Variants in ITGA4 observed in about 807,000 individuals in gnomAD.
The protein encoded by ITGA4 is integrin subunit alpha 4.
In ITGA4, 63 loss-of-function variants were observed where a neutral mutation model predicts 133.6. That is an observed-to-expected ratio of 0.47 (90% CI 0.38 to 0.58). The LOEUF is 0.58. Ranked by LOEUF, ITGA4 falls within the 20% of genes least tolerant of loss-of-function variation. The pLI, the probability that ITGA4 is intolerant of heterozygous loss-of-function variation, is 0.00. For missense variants in ITGA4, 1,076 were observed against 1,252.7 expected, an observed-to-expected ratio of 0.86 and a Z score of 2.13; for synonymous variants, 483 against 438.0, an observed-to-expected ratio of 1.10 and a Z score of -1.28.
chr2:181,529,352 T>C lies in ITGA4; in HGVS notation c.2431-189T>C, dbSNP rs559063656. ...GTTAGAAACAATGACTCATTTGAAA[T>C]TATTAGCAAACTTTAAAAATTCTGA... On this transcript the variant is annotated intron_variant, in intron 22 of 27. Transcript: ENST00000397033. 3.9e-5 allele frequency among the ~76,000 whole-genome samples: 6 copies of C among 152,324 alleles called. No homozygotes were observed. The South Asian group carries it at 1.2e-3, about 32-fold the overall frequency.
chr2:181,520,583 T>C (rs543243160), intron 17 of ITGA4, among the ~76,000 whole-genome samples: 1 of 152,182 alleles, frequency 6.6e-6, no homozygotes, highest in South Asian at 2.1e-4. Flanking sequence ...TCCAAGTGAA[T>C]TTAGGTTCAA....
chr2:181,527,553 G>C, intron 22 of ITGA4, 166 bp downstream of exon 22: 1 of 538,104 alleles, frequency 1.9e-6, no homozygotes, highest in Non-Finnish European at 3.4e-6. Flanking sequence ...GACCCCTGCT[G>C]CTTTCCTTCC....
intron 17 of ITGA4, among the ~76,000 whole-genome samples, chr2:181,518,873 A>T (rs1264350541): frequency 6.6e-6 from 1 of 152,072 alleles, no homozygotes; most frequent in African/African-American, 2.4e-5. Flanking sequence ...TAGTTTGTCA[A>T]TATAACTTAG....
intron 10 of ITGA4, among the ~76,000 whole-genome samples, chr2:181,490,458 T>C (rs1443447502): frequency 6.8e-6 from 1 of 147,190 alleles, no homozygotes; most frequent in African/African-American, 2.5e-5. Context: ...TGATTTCATT[T>C]TTTTTTTTTA....
At chr2:181,513,811 A>C (rs186433052) in intron 17 of ITGA4, among the ~76,000 whole-genome samples, 265 of 152,230 alleles carry the variant, frequency 1.7e-3, no homozygotes, top group African/African-American at 5.8e-3. Flanking sequence ...TATCTTTTAA[A>C]TCTCACCTGT....
intron 10 of ITGA4, 167 bp from the exon 11 acceptor site, chr2:181,493,158 G>A (rs1026287145): frequency 3.7e-5 from 21 of 563,680 alleles, no homozygotes; most frequent in Admixed American, 6.6e-5. Flanking sequence ...GTGCAATCCT[G>A]TATATGATGA....
chr2:181,507,734 T>C (rs1469497952), intron 15 of ITGA4, among the ~76,000 whole-genome samples: 2 of 152,152 alleles, frequency 1.3e-5, no homozygotes, highest in African/African-American at 2.4e-5. Flanking sequence ...ATACTTGTTA[T>C]ACTGTATTAG....
At chr2:181,485,770 G>A in intron 9 of ITGA4, 111 bp from the exon 10 acceptor site, 1 of 835,990 alleles carries the variant, frequency 1.2e-6, no homozygotes, top group Non-Finnish European at 1.9e-6. Flanking sequence ...TCTGTAGTTT[G>A]TCCAACTTGT....
At position 181,493,292 on chromosome 2, in the gene ITGA4, A is replaced by G. The variant is rs969738859; in HGVS notation, c.1154-33A>G. On this transcript the variant is annotated intron_variant, in intron 10 of 27. Coordinates refer to ENST00000397033, the MANE Select transcript of ITGA4 (RefSeq NM_000885.6). The stretch of plus-strand genomic sequence containing the variant: ...CGAAGTTGCATTCTTTGTATCAAGA[A>G]TTTATTTTTCCATTGTTTAAATTAT... The G allele has an allele frequency of 4.8e-6, 7 of 1,460,864 alleles. No homozygotes were observed. The African/African-American group carries it at 9.8e-5, about 20-fold the overall frequency. 90.5% of individuals were successfully genotyped at this position (1,460,864 alleles called of 1,614,324 possible). A position where few individuals can be genotyped will look rare whatever the true frequency, so the allele number is the denominator to read the frequency against.
intron 10 of ITGA4, 164 bp downstream of exon 10, chr2:181,486,156 AT>A: frequency 1.3e-6 from 1 of 753,166 alleles, no homozygotes. Flanking sequence ...CTTCTCCTCA[AT>A]TGTCACCCAT....
intron 4 of ITGA4, 107 bp from the exon 5 acceptor site, chr2:181,478,650 T>C: frequency 2.1e-6 from 1 of 466,468 alleles, no homozygotes; most frequent in Non-Finnish European, 3.8e-6. Flanking sequence ...TTTTAAAAAA[T>C]ACAAACTATA....
At chr2:181,476,714 A>G (rs1288550883) in intron 4 of ITGA4, among the ~76,000 whole-genome samples, 1 of 152,180 alleles carries the variant, frequency 6.6e-6, no homozygotes, top group African/African-American at 2.4e-5. Flanking sequence ...CATGGAATCA[A>G]CCTAAATGCA....
chr2:181,535,026 T>G (rs1687029748), intron 27 of ITGA4, 91 bp downstream of exon 27: 1 of 1,369,786 alleles, frequency 7.3e-7, no homozygotes, highest in Non-Finnish European at 9.7e-7. Flanking sequence ...TTTAAATATT[T>G]CACTATTTGA....
rs1686895812 is a variant in ITGA4 at position 181,529,404 on chromosome 2, A to T, written c.2431-137A>T. 8.9e-6 allele frequency: 4 copies of T among 447,546 alleles called. No individual in the cohort carries two copies. In the South Asian group the frequency reaches 1.4e-4, roughly 16 times the overall value. 27.7% of individuals were successfully genotyped at this position (447,546 alleles called of 1,614,324 possible). On this transcript the variant is annotated intron_variant, in intron 22 of 27. Coordinates refer to ENST00000397033, the MANE Select transcript of ITGA4 (RefSeq NM_000885.6). ...TATGGATATCCTGTCTCCCTTTGTT[A>T]TGCAGCTGCCAACCATAAACCTCCA...
chr2:181,512,321 TG>T (rs1413553375), intron 17 of ITGA4, among the ~76,000 whole-genome samples: 1 of 151,986 alleles, frequency 6.6e-6, no homozygotes, highest in African/African-American at 2.4e-5. Context: ...GAACTATTTT[TG>T]GGAGATTGGG....
chr2:181,534,902 T>G lies in ITGA4; in HGVS notation c.2970T>G (p.Ile990Met). 1 of 1,592,524 alleles carries G rather than the reference T, an allele frequency of 6.3e-7. No homozygotes were observed. The highest frequency in any genetic ancestry group is 8.5e-7 in the Non-Finnish European group (1 of 1,173,072). Reference sequence around the variant, plus strand: ...CAAGTAGCTTGCTACTTGGACTTATTGTACTTCTATTGATCTCATATGTTA... The same window carrying G: ...CAAGTAGCTTGCTACTTGGACTTATGGTACTTCTATTGATCTCATATGTTA... ...IISSSLLLGL[I>M]VLLLISYVMW... Residue 990 changes from isoleucine (I) to methionine (M), a missense_variant, in exon 27 of 28, where the codon ATT (isoleucine) becomes ATG (methionine). Physicochemically the swap from Ile to Met is conservative, Grantham distance 10. Transcript: ENST00000397033.
intron 10 of ITGA4, 75 bp downstream of exon 10, chr2:181,486,067 T>C: frequency 6.7e-7 from 1 of 1,503,002 alleles, no homozygotes; most frequent in Non-Finnish European, 8.8e-7. Context: ...GATTAAAGTT[T>C]TGTATTGTTT....
Position 181,475,010 on chromosome 2 carries a change from A to G in ITGA4, c.370A>G (p.Asn124Asp). 1 of 1,614,128 alleles carries G rather than the reference A, an allele frequency of 6.2e-7. No individual in the cohort carries two copies. The highest frequency in any genetic ancestry group is 8.5e-7 in the Non-Finnish European group (1 of 1,179,976). Residue 124 changes from asparagine (N) to aspartate (D), a missense_variant, in exon 3 of 28, where the codon AAT (asparagine) becomes GAT (aspartate). Physicochemically the swap from Asn to Asp is conservative, Grantham distance 23 (BLOSUM62 1). This residue lies in a region of ITGA4 where 436 missense variants were observed against 590.7 expected (regional missense o/e 0.74). Transcript: ENST00000397033. ...AAAGACTTGTTTGGAAGAGAGAGAC[A>G]ATCAGTGGTTGGGGGTCACACTTTC... ...CGKTCLEERD[N>D]QWLGVTLSRQ... is the part of the protein sequence containing the mutation.
rs138832771 is a variant in ITGA4, at chr2:181,523,800, C to T, written c.2169+268C>T. Among the ~76,000 whole-genome samples, 20 of 152,194 alleles carry T rather than the reference C, an allele frequency of 1.3e-4. No individual in the cohort carries two copies. Among genetic ancestry groups the T allele is most frequent in the East Asian group, 3.9e-4 (2 of 5,168 alleles). Reference sequence around the variant, plus strand: ...TTCTGCTCCCCCTACACACCCTTCCCGAAAACCCCCACCCCCACCGCAGGT... The same window carrying T: ...TTCTGCTCCCCCTACACACCCTTCCTGAAAACCCCCACCCCCACCGCAGGT... On this transcript the variant is annotated intron_variant, in intron 19 of 27. Transcript: ENST00000397033. The surrounding 1 kb of genome is among the most constrained non-coding windows in gnomAD (Gnocchi z 4.2).
Sources: gnomAD v4.1 joint callset for allele counts (sites outside exome capture counted in the v4.1 genomes callset) on GRCh38, gnomAD v4.1.1 for gene constraint, gnomAD v4.1.1 regional missense constraint, Gnocchi (gnomAD v3.1) non-coding constraint, MANE v1.5 for transcripts, NCBI Gene and HGNC (gene_info 2026-07-23, HGNC 2026-07-21) for gene names.